The following PHLPP1 variants were observed in gnomAD, a reference collection of about 807,000 sequenced individuals.
PHLPP1 encodes PH domain leucine-rich repeat-containing protein phosphatase 1.
A neutral mutation model predicts 117.2 loss-of-function variants in PHLPP1; 42 were observed. That is an observed-to-expected ratio of 0.36 (90% CI 0.28 to 0.46). The LOEUF (loss-of-function observed/expected upper bound fraction) is 0.46. Ranked by LOEUF, PHLPP1 falls within the 20% of genes least tolerant of loss-of-function variation. PHLPP1 has a pLI of 1.00. For missense variants in PHLPP1, 2,084 were observed against 2,241.9 expected, an observed-to-expected ratio of 0.93 and a Z score of 1.42; for synonymous variants, 1,042 against 970.7, an observed-to-expected ratio of 1.07 and a Z score of -1.37.
chr18:62,755,578 C>T (rs915182770), intron 1 of PHLPP1, among the ~76,000 whole-genome samples: 7 of 152,072 alleles, frequency 4.6e-5, no homozygotes, highest in Admixed American at 3.9e-4. Context: ...CTTCTTCCAC[C>T]CTGTGAGGAT....
intron 10 of PHLPP1, among the ~76,000 whole-genome samples, chr18:62,931,097 T>C (rs548800651): frequency 5.3e-5 from 8 of 151,832 alleles, no homozygotes; most frequent in Middle Eastern, 3.4e-3. Context: ...CTTGGGAGGC[T>C]GAGGCAGGAG....
rs549604457 is a variant in PHLPP1 at position 62,931,061 on chromosome 18, G to A, written c.2961-10657G>A. ...AATACAAAAAAATTAGCCGGGAATG[G>A]TGGCACGTGCCTGTAGTCCTAGCTA... is the stretch of plus-strand genomic sequence containing the variant. On this transcript the variant is annotated intron_variant, in intron 10 of 16. Transcript: ENST00000262719. 8.1e-4 allele frequency among the ~76,000 whole-genome samples: 124 copies of A among 152,166 alleles called. 1 individual carries two copies. Among genetic ancestry groups the A allele is most frequent in the African/African-American group, 2.5e-3 (103 of 41,502 alleles).
At position 62,930,830 on chromosome 18, in the gene PHLPP1, G is replaced by T. The variant is rs1002991058; in HGVS notation, c.2960+10716G>T. 3.9e-5 allele frequency among the ~76,000 whole-genome samples: 6 copies of T among 152,116 alleles called. No homozygotes were observed. The East Asian group carries it at 1.2e-3, about 29-fold the overall frequency. On this transcript the variant is annotated intron_variant, in intron 10 of 16. Coordinates refer to ENST00000262719, the MANE Select transcript of PHLPP1 (RefSeq NM_194449.4). ...AACAAATTCAAAAAATTGAAATCCT[G>T]TCAAGCATCTTCTCAGACCACAGTG...
At chr18:62,843,233 AAAAC>A (rs754465022) in intron 3 of PHLPP1, among the ~76,000 whole-genome samples, 3 of 152,222 alleles carry the variant, frequency 2.0e-5, no homozygotes, top group Admixed American at 2.0e-4. Flanking sequence ...ACCTAAAAGA[AAAAC>A]AAACCAACAA....
intron 1 of PHLPP1, among the ~76,000 whole-genome samples, chr18:62,760,139 G>A (rs1023910773): frequency 1.3e-5 from 2 of 152,180 alleles, no homozygotes; most frequent in Non-Finnish European, 2.9e-5. Context: ...GATCAGTGGT[G>A]TGTTTAATTT....
At chr18:62,937,897 A>G (rs1910022675) in intron 10 of PHLPP1, among the ~76,000 whole-genome samples, 1 of 152,146 alleles carries the variant, frequency 6.6e-6, no homozygotes, top group South Asian at 2.1e-4. Flanking sequence ...CTGTAATCCC[A>G]GCTACTCAGG....
chr18:62,926,261 T>TG (rs775955459), intron 10 of PHLPP1, among the ~76,000 whole-genome samples: 9 of 152,078 alleles, frequency 5.9e-5, no homozygotes, highest in Non-Finnish European at 1.2e-4. Context: ...CGGAGTTGAG[T>TG]GGGGGCATTG....
intron 10 of PHLPP1, among the ~76,000 whole-genome samples, chr18:62,939,947 G>A (rs1039917846): frequency 6.6e-6 from 1 of 151,704 alleles, no homozygotes; most frequent in Non-Finnish European, 1.5e-5. Flanking sequence ...ATTGAATGGT[G>A]AAAGTTTCAA....
rs1911308055 is a variant in PHLPP1, at chr18:62,979,360, C to T, written c.5083C>T (p.Gln1695Ter). The T allele has an allele frequency of 1.3e-6, 2 of 1,548,832 alleles. No homozygotes were observed. Among genetic ancestry groups the T allele is most frequent in the Admixed American group, 2.0e-5 (1 of 51,036 alleles). Residue 1695 changes from glutamine (Q) to a stop codon, truncating the protein, a stop_gained, in exon 17 of 17, where the codon CAG becomes TAG. Coordinates refer to ENST00000262719, the MANE Select transcript of PHLPP1 (RefSeq NM_194449.4). LOFTEE classifies it high-confidence loss of function. ...QQQQQPPPPP[Q>*]LQPQLPRHYQ... ...GCAGCAGCAGCCGCCACCACCCCCTCAGCTCCAGCCGCAGCTGCCGCGGCA... is the reference window on the plus strand; with the variant it reads ...GCAGCAGCAGCCGCCACCACCCCCTTAGCTCCAGCCGCAGCTGCCGCGGCA...
intron 3 of PHLPP1, among the ~76,000 whole-genome samples, chr18:62,857,056 C>T (rs896045782): frequency 7.2e-5 from 11 of 151,888 alleles, no homozygotes; most frequent in African/African-American, 2.2e-4. Context: ...TCACCTAGAA[C>T]GGTAATTGGC....
chr18:62,716,179 T>C lies in PHLPP1; in HGVS notation c.496T>C (p.Ser166Pro). Residue 166 changes from serine (S) to proline (P), a missense_variant, in exon 1 of 17, where the codon TCG becomes CCG. Ser to Pro is a moderately conservative substitution (Grantham distance 74). Around this residue, in one of 2 missense-constraint regions of PHLPP1, gnomAD observed 719 missense variants for 636.0 expected, o/e 1.13. Transcript: ENST00000262719. This position sits in a 1 kb window ranked among gnomAD's most constrained non-coding sequence, Gnocchi z 5.7. ...GLPASCSASA[S>P]LCTRSLDRKT... is the part of the protein sequence containing the mutation. ...CCCCGCCTCCTGCTCGGCCTCGGCG[T>C]CGCTGTGCACCCGGAGCCTGGACAG... 1 of 1,520,636 alleles carries C rather than the reference T, an allele frequency of 6.6e-7. No homozygotes were observed. The highest frequency in any genetic ancestry group is 8.8e-7 in the Non-Finnish European group (1 of 1,140,160). The allele number at this position is 1,520,636 out of a possible 1,614,324, so 94.2% of individuals were successfully genotyped here.
chr18:62,747,378 G>A (rs1250442619), intron 1 of PHLPP1, among the ~76,000 whole-genome samples: 1 of 148,014 alleles, frequency 6.8e-6, no homozygotes, highest in Non-Finnish European at 1.5e-5. Context: ...TCCACCTCCT[G>A]AGTTCAGGCG....
rs141509974 is a variant in PHLPP1 at position 62,764,666 on chromosome 18, G to A, written c.1576+47407G>A. 1.7e-3 allele frequency among the ~76,000 whole-genome samples: 262 copies of A among 152,298 alleles called. 9 individuals carry two copies. In the South Asian group the frequency reaches 0.04, roughly 23 times the overall value. On this transcript the variant is annotated intron_variant, in intron 1 of 16. Transcript: ENST00000262719. Reference sequence around the variant, plus strand: ...ACTCGAGAGGCTGAGCACCAAAATGGGGATGCTAGTCACACTTACGTCCTA... The same window carrying A: ...ACTCGAGAGGCTGAGCACCAAAATGAGGATGCTAGTCACACTTACGTCCTA...
chr18:62,829,687 G>T (rs1914703230), intron 1 of PHLPP1, among the ~76,000 whole-genome samples: 1 of 152,166 alleles, frequency 6.6e-6, no homozygotes, highest in African/African-American at 2.4e-5. Flanking sequence ...GGGAGGCAGA[G>T]GTTGCAATTA....
intron 1 of PHLPP1, among the ~76,000 whole-genome samples, chr18:62,776,065 T>TAA (rs1052474924): frequency 1.5e-4 from 23 of 152,070 alleles, no homozygotes; most frequent in African/African-American, 5.5e-4. Context: ...TAAAGAGATT[T>TAA]AAAAAAATAT....
intron 1 of PHLPP1, among the ~76,000 whole-genome samples, chr18:62,809,969 A>G (rs1914064318): frequency 6.6e-6 from 1 of 152,180 alleles, no homozygotes. Context: ...AGTTTATAAG[A>G]TTGTTGAATA....
chr18:62,754,647 T>C (rs1051655616), intron 1 of PHLPP1, among the ~76,000 whole-genome samples: 2 of 152,154 alleles, frequency 1.3e-5, no homozygotes, highest in African/African-American at 4.8e-5. Context: ...GAGGGAAATA[T>C]CAGAAGGGAG....
At chr18:62,739,135 T>C (rs1911448727) in intron 1 of PHLPP1, among the ~76,000 whole-genome samples, 1 of 152,180 alleles carries the variant, frequency 6.6e-6, no homozygotes, top group Admixed American at 6.5e-5. Context: ...TTTTGAAGCC[T>C]TTGGATTGAA....
chr18:62,801,866 A>G (rs1913794967), intron 1 of PHLPP1, among the ~76,000 whole-genome samples: 1 of 151,886 alleles, frequency 6.6e-6, no homozygotes, highest in Non-Finnish European at 1.5e-5. Flanking sequence ...TTTTTCTCAT[A>G]TTTCATATTT....
Sources: gnomAD v4.1 joint callset for allele counts (sites outside exome capture counted in the v4.1 genomes callset) on GRCh38, gnomAD v4.1.1 for gene constraint, gnomAD v4.1.1 regional missense constraint, Gnocchi (gnomAD v3.1) non-coding constraint, MANE v1.5 for transcripts, NCBI Gene and HGNC (gene_info 2026-07-23, HGNC 2026-07-21) for gene names.